The following MGAM variants were observed in gnomAD, a reference collection of about 807,000 sequenced individuals.
The protein encoded by MGAM is alpha-1,4-glucosidase.
A neutral mutation model predicts 358.8 loss-of-function variants in MGAM; 253 were observed. That is an observed-to-expected ratio of 0.71 (90% CI 0.64 to 0.78). The LOEUF is 0.78. Among genes scored for constraint, MGAM ranks in the 30% least tolerant of loss-of-function variants. The probability of loss-of-function intolerance (pLI) is 0.00; values close to 1 mark genes in which losing one functional copy is unlikely to be tolerated. For synonymous variants in MGAM, 1,105 were observed against 1,227.1 expected, an observed-to-expected ratio of 0.90 and a Z score of 2.08; for missense variants, 3,080 against 3,432.6, an observed-to-expected ratio of 0.90 and a Z score of 2.57.
chr7:141,988,553 C>T (rs559151811), intron 2 of MGAM, among the ~76,000 whole-genome samples: 95 of 152,092 alleles, frequency 6.2e-4, no homozygotes, highest in African/African-American at 2.0e-3. Flanking sequence ...TTAGTAGAGA[C>T]GGGGTTTCAC....
At chr7:141,991,837 G>C (rs372022799), upstream of MGAM, among the ~76,000 whole-genome samples, 32 of 152,246 alleles carry the variant, frequency 2.1e-4, no homozygotes, top group South Asian at 6.6e-3. Flanking sequence ...CCTAGATAAG[G>C]CCATGTCACC....
At chr7:142,097,129 G>A (rs1052181923) in intron 65 of MGAM, among the ~76,000 whole-genome samples, 2 of 151,774 alleles carry the variant, frequency 1.3e-5, no homozygotes, top group Non-Finnish European at 2.9e-5. Flanking sequence ...AGTAGAAACA[G>A]CATTCCACCA....
In MGAM at chr7:142,054,935, G is replaced by A. The variant is rs777952167; in HGVS notation, c.3314+27G>A. On this transcript the variant is annotated intron_variant, in intron 27 of 70. Coordinates refer to ENST00000475668, the MANE Select transcript of MGAM (RefSeq NM_001365693.1). Reference sequence around the variant, plus strand: ...TGAGTGGCTTCTAGTGTGACTCAGAGTTGATGGCTACCTGCGCCTTCGCTG... The same window carrying A: ...TGAGTGGCTTCTAGTGTGACTCAGAATTGATGGCTACCTGCGCCTTCGCTG... 1.1e-5 allele frequency: 18 copies of A among 1,610,096 alleles called. No homozygotes were observed. In the Admixed American group the frequency reaches 1.3e-4, roughly 12 times the overall value.
rs534329613 is a variant in MGAM, at chr7:142,093,617, C to G, written c.7172+67C>G. ...GGATTGCCAGTGACTGACATAGCTA[C>G]CCTACTTTTCTTTTCATTCCCATTC... On this transcript the variant is annotated intron_variant, in intron 60 of 70. Transcript: ENST00000475668. The G allele has an allele frequency of 2.1e-6, 3 of 1,409,656 alleles. No individual in the cohort carries two copies. The East Asian group carries it at 7.6e-5, about 36-fold the overall frequency. 87.3% of individuals were successfully genotyped at this position (1,409,656 alleles called of 1,614,324 possible). A position where few individuals can be genotyped will look rare whatever the true frequency, so the allele number is the denominator to read the frequency against.
chr7:142,041,943 T>C (rs1451822724), intron 21 of MGAM, among the ~76,000 whole-genome samples: 6 of 16,366 alleles, frequency 3.7e-4, no homozygotes, highest in African/African-American at 9.8e-4. Flanking sequence ...ATATATTATA[T>C]ATATACATAT....
At chr7:141,999,893 A>G (rs917375023) in intron 1 of MGAM, among the ~76,000 whole-genome samples, 2 of 151,390 alleles carry the variant, frequency 1.3e-5, no homozygotes, top group African/African-American at 4.9e-5. Context: ...GGTCAATCAG[A>G]TAATGCTGGA....
Position 142,063,533 on chromosome 7 carries a change from C to T in MGAM, c.4292C>T (p.Ala1431Val), listed in dbSNP as rs762455641. ...MNEPSSFVNG[A>V]VSPGCRDASL... Reference sequence around the variant, plus strand: ...GAACCATCAAGCTTCGTGAATGGGGCAGTTTCTCCAGGCTGCAGGGACGCC... The same window carrying T: ...GAACCATCAAGCTTCGTGAATGGGGTAGTTTCTCCAGGCTGCAGGGACGCC... The change falls in exon 36 of 71, where the codon GCA (alanine) becomes GTA (valine). Residue 1431 changes from alanine (A) to valine (V), a missense_variant. Transcript: ENST00000475668. 6.2e-6 allele frequency: 10 copies of T among 1,613,740 alleles called. No individual in the cohort carries two copies. The highest frequency in any genetic ancestry group is 8.5e-6 in the Non-Finnish European group (10 of 1,179,806).
chr7:142,040,816 C>A lies in MGAM; in HGVS notation c.2468C>A (p.Thr823Lys), dbSNP rs769261294. The A allele has an allele frequency of 1.2e-6, 2 of 1,612,744 alleles. No individual in the cohort carries two copies. The change falls in exon 21 of 71, where the codon ACA (threonine) becomes AAA (lysine). Residue 823 changes from threonine (T) to lysine (K), a missense_variant. Thr to Lys is a moderately conservative substitution (Grantham distance 78, BLOSUM62 -1). Coordinates refer to ENST00000475668, the MANE Select transcript of MGAM (RefSeq NM_001365693.1). ...LHLRGGYIFP[T>K]QQPNTTTLAS... ...CTTCGAGGAGGCTACATCTTCCCCA[C>A]ACAGCAGCCAAATACAACCACTCTG...
intron 41 of MGAM, 115 bp from the exon 42 acceptor site, chr7:142,067,226 G>C: frequency 1.0e-6 from 1 of 984,830 alleles, no homozygotes; most frequent in Non-Finnish European, 1.6e-6. Flanking sequence ...AACAAAGCAA[G>C]GATGGCTCAG....
intron 21 of MGAM, among the ~76,000 whole-genome samples, chr7:142,046,161 A>T (rs1274488254): frequency 7.0e-6 from 1 of 143,522 alleles, no homozygotes; most frequent in Non-Finnish European, 1.5e-5. Flanking sequence ...TTTATATTAT[A>T]TTTTTGTTTT....
Position 142,094,815 on chromosome 7 carries a change from G to A in MGAM, c.7410G>A (p.Leu2470=). 1 of 1,613,894 alleles carries A rather than the reference G, an allele frequency of 6.2e-7. No individual in the cohort carries two copies. Among genetic ancestry groups the A allele is most frequent in the Non-Finnish European group, 8.5e-7 (1 of 1,179,868 alleles). The change falls in exon 63 of 71, where the codon CTG becomes CTA. Residue 2470 remains leucine (L), a synonymous_variant. Coordinates refer to ENST00000475668, the MANE Select transcript of MGAM (RefSeq NM_001365693.1). ...EYEMCVRWMQ[L]GAFYPFSRNH... is the part of the protein sequence containing the mutation. ...AGATGTGTGTTCGCTGGATGCAGCT[G>A]GGGGCCTTTTACCCCTTCTCAAGAA...
chr7:142,011,981 C>T (rs994289460), intron 3 of MGAM, among the ~76,000 whole-genome samples: 2 of 152,114 alleles, frequency 1.3e-5, no homozygotes, highest in African/African-American at 4.8e-5. Flanking sequence ...TTCACAGAGT[C>T]GAGACTAATT....
intron 43 of MGAM, among the ~76,000 whole-genome samples, chr7:142,069,269 T>A (rs1443329465): frequency 6.9e-6 from 1 of 145,408 alleles, no homozygotes; most frequent in African/African-American, 2.4e-5. Context: ...GCAAGTGCAT[T>A]TAGAAATGAG....
Position 142,052,379 on chromosome 7 carries a change from TAG to T in MGAM, c.2893_2894del (p.Asp965LeufsTer4). ...ATAAAGATAAGGGATGAAGAAAAAA[TAG>T]ACTGTTACCCTGATGAGAATGGTGC... is the stretch of plus-strand genomic sequence containing the variant. On this transcript the variant is annotated frameshift_variant, in exon 25 of 71. Coordinates refer to ENST00000475668, the MANE Select transcript of MGAM (RefSeq NM_001365693.1). LOFTEE classifies it high-confidence loss of function. 3.7e-6 allele frequency: 6 copies of T among 1,612,744 alleles called. No homozygotes were observed. Among genetic ancestry groups the T allele is most frequent in the Non-Finnish European group, 4.2e-6 (5 of 1,179,408 alleles).
rs1218992894 is a variant in MGAM at position 142,040,759 on chromosome 7, T to C, written c.2411T>C (p.Met804Thr). Reference protein sequence around the residue: ...QVRWRKQKVEMELPGDKIGLH... With the variant: ...QVRWRKQKVETELPGDKIGLH... ...AGATGGAGGAAGCAAAAAGTCGAGATGGAACTTCCTGGAGACAAAATTGGA... is the reference window on the plus strand; with the variant it reads ...AGATGGAGGAAGCAAAAAGTCGAGACGGAACTTCCTGGAGACAAAATTGGA... The change falls in exon 21 of 71, where the codon ATG (methionine) becomes ACG (threonine). Residue 804 changes from methionine to threonine, a missense_variant. Transcript: ENST00000475668. The C allele has an allele frequency of 5.0e-6, 8 of 1,613,312 alleles. No individual in the cohort carries two copies. The highest frequency in any genetic ancestry group is 6.8e-6 in the Non-Finnish European group (8 of 1,179,538).
intron 21 of MGAM, among the ~76,000 whole-genome samples, chr7:142,045,190 A>C (rs1448277254): frequency 1.4e-5 from 1 of 71,408 alleles, no homozygotes; most frequent in Non-Finnish European, 2.8e-5. Flanking sequence ...CATATATGAT[A>C]TATAATATAT....
Position 142,040,132 on chromosome 7 carries a change from G to A in MGAM, c.2334G>A (p.Met778Ile). The A allele has an allele frequency of 6.2e-7, 1 of 1,612,486 alleles. No individual in the cohort carries two copies. Reference sequence around the variant, plus strand: ...AATTTCAGGGTGCAGAGAAAGTGATGGCATATGTGCCTGATGCTGTCTGGT... The same window carrying A: ...AATTTCAGGGTGCAGAGAAAGTGATAGCATATGTGCCTGATGCTGTCTGGT... ...PVLDEGAEKVMAYVPDAVWYD... is the reference protein window; with the variant it reads ...PVLDEGAEKVIAYVPDAVWYD... Residue 778 changes from methionine (M) to isoleucine (I), a missense_variant, in exon 20 of 71, where the codon ATG (methionine) becomes ATA (isoleucine). Physicochemically the swap from Met to Ile is conservative, Grantham distance 10. Coordinates refer to ENST00000475668, the MANE Select transcript of MGAM (RefSeq NM_001365693.1).
chr7:142,045,201 A>C (rs187019709), intron 21 of MGAM, among the ~76,000 whole-genome samples: 1 of 45,642 alleles, frequency 2.2e-5, no homozygotes, highest in African/African-American at 7.5e-5. Context: ...TATAATATAT[A>C]TTATATAACA....
At chr7:142,058,462 AC>A in intron 31 of MGAM, 134 bp downstream of exon 31, 1 of 1,457,628 alleles carries the variant, frequency 6.9e-7, no homozygotes, top group Non-Finnish European at 9.2e-7. Flanking sequence ...AGTTAGCCTC[AC>A]CCCAGCACAG....
Sources: gnomAD v4.1 joint callset for allele counts (sites outside exome capture counted in the v4.1 genomes callset) on GRCh38, gnomAD v4.1.1 for gene constraint, MANE v1.5 for transcripts, NCBI Gene and HGNC (gene_info 2026-07-23, HGNC 2026-07-21) for gene names.